The following COL4A1 variants were observed in gnomAD, a reference collection of about 807,000 sequenced individuals.
COL4A1 encodes collagen alpha-1(IV) chain.
Under a neutral mutation model 216.6 loss-of-function variants are expected in COL4A1, and 40 were observed. The observed-to-expected ratio is 0.18, with a 90% CI of 0.14 to 0.24. The LOEUF (loss-of-function observed/expected upper bound fraction) is 0.24. Ranked by LOEUF, COL4A1 falls within the 10% of genes least tolerant of loss-of-function variation. The pLI is 1.00. For missense variants in COL4A1, 1,628 were observed against 2,196.8 expected (o/e 0.74, Z 5.18); for synonymous variants, 839 against 810.7 (o/e 1.03, Z -0.59).
In COL4A1 at chr13:110,184,695, TGTGTGTGTTTTG is replaced by T. The variant is rs1315372200; in HGVS notation, c.1898-1431_1898-1420del. Among the ~76,000 whole-genome samples, 40 of 138,542 alleles carry T rather than the reference TGTGTGTGTTTTG, an allele frequency of 2.9e-4. No homozygotes were observed. In the East Asian group the frequency reaches 7.9e-3, roughly 27 times the overall value. 90.9% of individuals were successfully genotyped at this position (138,542 alleles called of 152,430 possible). Reference sequence around the variant, plus strand: ...AGGAACTGGACTGTGTGTGTGTGTGTGTGTGTGTTTTGTTTGTTTGTTTGTTTGTTTTTGAGA... The same window carrying T: ...AGGAACTGGACTGTGTGTGTGTGTGTTTTGTTTGTTTGTTTGTTTTTGAGA... On this transcript the variant is annotated intron_variant, in intron 26 of 51. Transcript: ENST00000375820.
At chr13:110,188,027 C>T (rs975856841) in intron 24 of COL4A1, among the ~76,000 whole-genome samples, 10 of 152,224 alleles carry the variant, frequency 6.6e-5, no homozygotes, top group African/African-American at 2.2e-4. Context: ...TCCCAAGAGA[C>T]TCACACTAGA....
intron 2 of COL4A1, among the ~76,000 whole-genome samples, chr13:110,217,128 T>G (rs1347427058): frequency 6.6e-6 from 1 of 152,230 alleles, no homozygotes; most frequent in African/African-American, 2.4e-5. Context: ...TAATACTCTG[T>G]ACCCTGTCCA....
At chr13:110,291,114 C>A (rs1409155597) in intron 1 of COL4A1, among the ~76,000 whole-genome samples, 2 of 152,182 alleles carry the variant, frequency 1.3e-5, no homozygotes, top group Non-Finnish European at 2.9e-5. Flanking sequence ...CTCACCTGTC[C>A]GAGAACACTG....
intron 48 of COL4A1, chr13:110,161,866 T>G (rs1454415834): frequency 2.9e-5 from 10 of 341,624 alleles, no homozygotes; most frequent in Non-Finnish European, 2.8e-5. Flanking sequence ...ATGGACCTTT[T>G]TTTTTACAAA....
At chr13:110,164,160 A>G (rs1044133220) in intron 46 of COL4A1, among the ~76,000 whole-genome samples, 4 of 150,674 alleles carry the variant, frequency 2.7e-5, no homozygotes, top group Admixed American at 6.6e-5. Flanking sequence ...GGCTAATTTT[A>G]TCATTATTAT....
At chr13:110,272,229 A>C (rs1189892888) in intron 1 of COL4A1, among the ~76,000 whole-genome samples, 1 of 152,234 alleles carries the variant, frequency 6.6e-6, no homozygotes, top group Non-Finnish European at 1.5e-5. Flanking sequence ...TTTCTTTTTC[A>C]GTAACTCAGA....
intron 2 of COL4A1, among the ~76,000 whole-genome samples, chr13:110,237,381 A>AC (rs1429984120): frequency 1.3e-5 from 2 of 151,894 alleles, no homozygotes; most frequent in African/African-American, 2.4e-5. Flanking sequence ...GTGAGTCTGC[A>AC]CCCCCCACCC....
At chr13:110,200,710 T>G in intron 20 of COL4A1, 144 bp downstream of exon 20, 2 of 895,828 alleles carry the variant, frequency 2.2e-6, no homozygotes, top group Non-Finnish European at 3.6e-6. Flanking sequence ...TTGTCTACTC[T>G]GCTTTCATCA....
chr13:110,176,021 C>T (rs1877868318), intron 36 of COL4A1, among the ~76,000 whole-genome samples: 1 of 149,912 alleles, frequency 6.7e-6, no homozygotes, highest in South Asian at 2.1e-4. Context: ...TAAGGCTAGT[C>T]CGGGATTGGA....
At chr13:110,253,672 TGTATGTATTACATATACATATAATTATAC>T (rs1566418773) in intron 1 of COL4A1, among the ~76,000 whole-genome samples, 90 of 139,474 alleles carry the variant, frequency 6.5e-4, no homozygotes, top group Non-Finnish European at 1.0e-3. Flanking sequence ...TATATGTGTA[TGTATGTATTACATATACATATAATTATAC>T]GTATGTATTA....
chr13:110,294,637 G>T (rs912449417), intron 1 of COL4A1, among the ~76,000 whole-genome samples: 11 of 152,230 alleles, frequency 7.2e-5, no homozygotes, highest in Non-Finnish European at 1.5e-4. Flanking sequence ...ACACAAAGTA[G>T]ACACAATTTC....
chr13:110,163,915 A>G (rs907012161), intron 46 of COL4A1, among the ~76,000 whole-genome samples: 2 of 151,336 alleles, frequency 1.3e-5, no homozygotes, highest in African/African-American at 4.9e-5. Flanking sequence ...TAGGCAACAG[A>G]TATACCAACA....
chr13:110,191,733 T>A (rs1231876518), intron 24 of COL4A1: 1 of 640,502 alleles, frequency 1.6e-6, no homozygotes, highest in African/African-American at 1.8e-5. Flanking sequence ...GGCAAACAGA[T>A]CTGCTTTCCT....
Position 110,162,372 on chromosome 13 carries a change from T to C in COL4A1, c.4320A>G (p.Pro1440=), listed in dbSNP as rs1429832740. Residue 1440 remains proline, a synonymous_variant, in exon 48 of 52, where the codon CCA becomes CCG. Coordinates refer to ENST00000375820, the MANE Select transcript of COL4A1 (RefSeq NM_001845.6). ...TCACAAGGAAGCCGTGATCAACAGA[T>C]GGGGTGCCTGGGGGCCCCATGGATC... ...LPGSMGPPGT[P]SVDHGFLVTR... is the part of the protein sequence containing the mutation. The C allele has an allele frequency of 6.2e-7, 1 of 1,614,100 alleles. No homozygotes were observed. Among genetic ancestry groups the C allele is most frequent in the East Asian group, 2.2e-5 (1 of 44,900 alleles).
intron 1 of COL4A1, among the ~76,000 whole-genome samples, chr13:110,260,629 A>T (rs1025234983): frequency 1.3e-5 from 2 of 152,002 alleles, no homozygotes; most frequent in South Asian, 2.1e-4. Context: ...ACAGTATGAC[A>T]TTTTTTTTCT....
chr13:110,295,395 C>A (rs141123674), intron 1 of COL4A1, among the ~76,000 whole-genome samples: 1 of 148,074 alleles, frequency 6.8e-6, no homozygotes, highest in East Asian at 2.0e-4. Context: ...CAACAGCCAA[C>A]GACAAAATAT....
chr13:110,163,383 G>T, intron 47 of COL4A1, 80 bp downstream of exon 47: 1 of 1,238,856 alleles, frequency 8.1e-7, no homozygotes, highest in Non-Finnish European at 1.2e-6. Context: ...TCATTCTGCT[G>T]TTTCCCCATG....
intron 1 of COL4A1, among the ~76,000 whole-genome samples, chr13:110,248,638 C>T (rs908914869): frequency 6.6e-6 from 1 of 152,128 alleles, no homozygotes; most frequent in Non-Finnish European, 1.5e-5. Context: ...ACTACAGGCA[C>T]GGGCCACCAC....
chr13:110,161,003 C>G (rs1877057867), intron 49 of COL4A1, 189 bp downstream of exon 49: 2 of 707,522 alleles, frequency 2.8e-6, no homozygotes, highest in African/African-American at 3.5e-5. Context: ...GCCACTGTGC[C>G]CAGCCAACTG....
Sources: allele counts gnomAD v4.1 joint callset (sites outside exome capture counted in the v4.1 genomes callset), GRCh38; gene constraint gnomAD v4.1.1; transcripts MANE v1.5; gene names NCBI Gene and HGNC (gene_info 2026-07-23, HGNC 2026-07-21).